The following CACNA1C variants were observed in gnomAD, a reference collection of about 807,000 sequenced individuals.
CACNA1C encodes the protein voltage-dependent L-type calcium channel subunit alpha-1C.
CACNA1C carries 30 observed loss-of-function variants against 229.0 expected under a neutral mutation model. That is an observed-to-expected ratio of 0.13 (90% CI 0.10 to 0.18). The LOEUF (loss-of-function observed/expected upper bound fraction) is 0.18. Ranked by LOEUF, CACNA1C falls within the 10% of genes least tolerant of loss-of-function variation. The pLI is 1.00. For missense variants in CACNA1C, 1,658 were observed against 2,845.0 expected (o/e 0.58, Z 9.49); for synonymous variants, 1,114 against 1,132.5 (o/e 0.98, Z 0.33).
chr12:2,450,530 G>T (rs2099357650), intron 4 of CACNA1C, among the ~76,000 whole-genome samples: 1 of 123,300 alleles, frequency 8.1e-6, no homozygotes, highest in Admixed American at 8.9e-5. Context: ...CTCCAGCCTG[G>T]GCAACAGAGC....
intron 3 of CACNA1C, among the ~76,000 whole-genome samples, chr12:2,209,262 C>T (rs900142489): frequency 1.3e-5 from 2 of 152,254 alleles, no homozygotes; most frequent in South Asian, 2.1e-4. Flanking sequence ...CTGTGTAAGC[C>T]TCCCCTCTGC....
rs902160914 is a variant in CACNA1C at position 2,152,387 on chromosome 12, G to A, written c.477+31957G>A. On this transcript the variant is annotated intron_variant, in intron 3 of 46. Coordinates refer to ENST00000399655, the MANE Select transcript of CACNA1C (RefSeq NM_000719.7). This position sits in a 1 kb window ranked among gnomAD's most constrained non-coding sequence, Gnocchi z 4.2. ...AGCAGAGGTGATGCGTGTGACTTCC[G>A]GTGTGTGCCCTTGAAGGCAAAGTCA... Among the ~76,000 whole-genome samples, 4 of 152,190 alleles carry A rather than the reference G, an allele frequency of 2.6e-5. No homozygotes were observed. The highest frequency in any genetic ancestry group is 2.1e-4 in the South Asian group (1 of 4,824).
At chr12:2,377,029 G>A (rs1340373342) in intron 3 of CACNA1C, among the ~76,000 whole-genome samples, 3 of 152,154 alleles carry the variant, frequency 2.0e-5, no homozygotes, top group Non-Finnish European at 4.4e-5. Flanking sequence ...CTGCGGGGGT[G>A]GAGCCAGCAT....
At chr12:2,615,012 C>T (rs971898917) in intron 29 of CACNA1C, 1 of 151,646 alleles carries the variant, frequency 6.6e-6, no homozygotes, top group Admixed American at 6.6e-5. Context: ...TAGGAATCAA[C>T]ATAAACCAGT....
chr12:2,459,748 G>A (rs2099486564), intron 5 of CACNA1C, among the ~76,000 whole-genome samples: 1 of 152,206 alleles, frequency 6.6e-6, no homozygotes, highest in Non-Finnish European at 1.5e-5. Context: ...TAAGGAGCTT[G>A]TAATGGTACC....
chr12:2,446,476 A>G (rs1174028937), intron 3 of CACNA1C, among the ~76,000 whole-genome samples: 1 of 132,720 alleles, frequency 7.5e-6, no homozygotes, highest in African/African-American at 2.9e-5. Context: ...GGGTGGGTGG[A>G]CTGACGGATG....
At chr12:2,292,550 C>G (rs1279439685) in intron 3 of CACNA1C, among the ~76,000 whole-genome samples, 1 of 152,154 alleles carries the variant, frequency 6.6e-6, no homozygotes, top group Non-Finnish European at 1.5e-5. Context: ...CCTGTATGTC[C>G]TTGGTCAAGT....
chr12:2,293,573 A>G (rs1421125158), intron 3 of CACNA1C, among the ~76,000 whole-genome samples: 2 of 152,124 alleles, frequency 1.3e-5, no homozygotes, highest in Non-Finnish European at 2.9e-5. Flanking sequence ...TCTTGCATTT[A>G]TTTTTAGCTC....
chr12:2,104,408 G>A (rs1200897554), intron 1 of CACNA1C, among the ~76,000 whole-genome samples: 2 of 152,144 alleles, frequency 1.3e-5, no homozygotes, highest in African/African-American at 4.8e-5. Context: ...TGTGATTTTT[G>A]CACATTGATT....
intron 1 of CACNA1C, among the ~76,000 whole-genome samples, chr12:2,047,175 A>C (rs912722910): frequency 1.3e-5 from 2 of 152,210 alleles, no homozygotes; most frequent in African/African-American, 4.8e-5. Flanking sequence ...TTCCGCAAGA[A>C]AGTTAACCTC....
chr12:2,585,695 T>C lies in CACNA1C; in HGVS notation c.2461-140T>C. 1.1e-6 allele frequency: 1 copy of C among 882,746 alleles called. No homozygotes were observed. The highest frequency in any genetic ancestry group is 2.1e-5 in the Admixed American group (1 of 48,756). The allele number at this position is 882,746 out of a possible 1,614,324, so 54.7% of individuals were successfully genotyped here. A position where few individuals can be genotyped will look rare whatever the true frequency, so the allele number is the denominator to read the frequency against. ...TGGATCCCAGCCATCTGCTGATGTCTTGAAGGAGATATGCAAAGTGACAAG... is the reference window on the plus strand; with the variant it reads ...TGGATCCCAGCCATCTGCTGATGTCCTGAAGGAGATATGCAAAGTGACAAG... On this transcript the variant is annotated intron_variant, in intron 17 of 46. Coordinates refer to ENST00000399655, the MANE Select transcript of CACNA1C (RefSeq NM_000719.7). The surrounding 1 kb of genome is among the most constrained non-coding windows in gnomAD (Gnocchi z 4.1).
At chr12:2,397,819 G>C (rs931793363) in intron 3 of CACNA1C, among the ~76,000 whole-genome samples, 1 of 152,276 alleles carries the variant, frequency 6.6e-6, no homozygotes, top group African/African-American at 2.4e-5. Context: ...CTGATTTAGG[G>C]GTAGGGAGGG....
At chr12:2,400,897 A>G (rs139045340) in intron 3 of CACNA1C, among the ~76,000 whole-genome samples, 94 of 152,192 alleles carry the variant, frequency 6.2e-4, no homozygotes, top group Admixed American at 2.1e-3. Flanking sequence ...AATATACTTG[A>G]TGCTTCAGTG....
chr12:2,199,802 C>T (rs1004041619), intron 3 of CACNA1C, among the ~76,000 whole-genome samples: 4 of 152,144 alleles, frequency 2.6e-5, no homozygotes, highest in African/African-American at 9.7e-5. Context: ...CCATTTACTT[C>T]AGCCGAGAGG....
intron 5 of CACNA1C, among the ~76,000 whole-genome samples, chr12:2,474,782 A>G (rs1329004274): frequency 6.6e-6 from 1 of 151,636 alleles, no homozygotes; most frequent in Non-Finnish European, 1.5e-5. Context: ...AGAAAGAAAG[A>G]AAAAGAAAAA....
chr12:2,568,715 G>A (rs1289148083), intron 13 of CACNA1C, among the ~76,000 whole-genome samples: 2 of 152,080 alleles, frequency 1.3e-5, no homozygotes, highest in African/African-American at 4.8e-5. Context: ...TCTTAGAGTA[G>A]TCAGATTCAC....
intron 34 of CACNA1C, among the ~76,000 whole-genome samples, chr12:2,656,012 G>A (rs10848680): frequency 0.56 from 85,806 of 152,064 alleles, 28,172 homozygotes; most frequent in Non-Finnish European, 0.72. Context: ...AAAGTTGAAA[G>A]CTTTTCCTTT....
chr12:2,346,413 C>T lies in CACNA1C; in HGVS notation c.478-102563C>T, dbSNP rs553554647. On this transcript the variant is annotated intron_variant, in intron 3 of 46. Coordinates refer to ENST00000399655, the MANE Select transcript of CACNA1C (RefSeq NM_000719.7). The surrounding 1 kb of genome is among the most constrained non-coding windows in gnomAD (Gnocchi z 4.4). The stretch of plus-strand genomic sequence containing the variant: ...GTTTGGGCAAGACTGTGTTCCACCC[C>T]CTTCCCCAGGCTTGGGACAAGCTCA... Among the ~76,000 whole-genome samples, 1 of 152,100 alleles carries T rather than the reference C, an allele frequency of 6.6e-6. No homozygotes were observed. The highest frequency in any genetic ancestry group is 2.4e-5 in the African/African-American group (1 of 41,396).
At chr12:2,431,796 A>C (rs908487366) in intron 3 of CACNA1C, among the ~76,000 whole-genome samples, 3 of 152,166 alleles carry the variant, frequency 2.0e-5, no homozygotes, top group African/African-American at 7.2e-5. Flanking sequence ...AAGCAGGTGG[A>C]GGTACAGCTG....
Sources: allele counts gnomAD v4.1 joint callset (sites outside exome capture counted in the v4.1 genomes callset), GRCh38; gene constraint gnomAD v4.1.1; non-coding constraint Gnocchi (gnomAD v3.1); transcripts MANE v1.5; gene names NCBI Gene and HGNC (gene_info 2026-07-23, HGNC 2026-07-21).